Variants in CNTNAP2 observed in about 807,000 individuals in gnomAD.
CNTNAP2 encodes the protein contactin associated protein 2, also known as contactin-associated protein-like 2.
In CNTNAP2, 98 loss-of-function variants were observed where a neutral mutation model predicts 155.2. The observed-to-expected ratio is 0.63, with a 90% CI of 0.54 to 0.75. The LOEUF is 0.75. Among genes scored for constraint, CNTNAP2 ranks in the 30% least tolerant of loss-of-function variants. The pLI is 0.00. For synonymous variants in CNTNAP2, 651 were observed against 631.2 expected (o/e 1.03, Z -0.47); for missense variants, 1,727 against 1,688.1 (o/e 1.02, Z -0.40).
At chr7:146,483,014 C>T (rs1474415504) in intron 1 of CNTNAP2, among the ~76,000 whole-genome samples, 5 of 150,244 alleles carry the variant, frequency 3.3e-5, no homozygotes, top group Non-Finnish European at 5.9e-5. Flanking sequence ...CGGTGGCTCA[C>T]GCCTGTAATC....
At chr7:146,929,926 A>C (rs1796709163) in intron 3 of CNTNAP2, among the ~76,000 whole-genome samples, 1 of 152,216 alleles carries the variant, frequency 6.6e-6, no homozygotes, top group African/African-American at 2.4e-5. Context: ...CCTCCAAGAA[A>C]TATGGGACTA....
chr7:148,111,646 T>TC (rs1246268746), intron 15 of CNTNAP2, among the ~76,000 whole-genome samples: 1 of 151,980 alleles, frequency 6.6e-6, no homozygotes, highest in Non-Finnish European at 1.5e-5. Flanking sequence ...AATCATGAAG[T>TC]TCCAATTAAA....
At chr7:146,285,319 G>C (rs1055631857) in intron 1 of CNTNAP2, among the ~76,000 whole-genome samples, 1 of 151,908 alleles carries the variant, frequency 6.6e-6, no homozygotes. Flanking sequence ...ACTATCATAA[G>C]TGCATTCACA....
intron 8 of CNTNAP2, among the ~76,000 whole-genome samples, chr7:147,239,883 G>A (rs922966264): frequency 2.6e-5 from 4 of 152,100 alleles, no homozygotes; most frequent in Non-Finnish European, 4.4e-5. Flanking sequence ...GCTCCAAGTC[G>A]TAATGCATCT....
chr7:146,131,436 G>T (rs10256834), intron 1 of CNTNAP2, among the ~76,000 whole-genome samples: 46,063 of 151,952 alleles, frequency 0.3, 8,329 homozygotes, highest in African/African-American at 0.5. Flanking sequence ...TTATTAGAGA[G>T]GTATGCATTT....
chr7:146,431,730 G>A (rs58901047), intron 1 of CNTNAP2, among the ~76,000 whole-genome samples: 2,590 of 152,156 alleles, frequency 0.017, 76 homozygotes, highest in African/African-American at 0.059. Context: ...GTAAGAAAAA[G>A]TTTTGATGGT....
chr7:147,737,665 C>T (rs867744494), intron 13 of CNTNAP2, among the ~76,000 whole-genome samples: 1 of 152,198 alleles, frequency 6.6e-6, no homozygotes, highest in African/African-American at 2.4e-5. Flanking sequence ...GTGGGCTCCA[C>T]CCAGTTTGAG....
chr7:148,172,481 A>G lies in CNTNAP2; in HGVS notation c.3010+3A>G, dbSNP rs370484431. 4 of 1,613,434 alleles carry G rather than the reference A, an allele frequency of 2.5e-6. No homozygotes were observed. The African/African-American group carries it at 5.3e-5, about 22-fold the overall frequency. ...TGATGGAACATTTTGCAACAAAGGT[A>G]AGGTGGAACCCATTTCCAGAGCCAC... On this transcript the variant is annotated splice_donor_region_variant and intron_variant, in intron 18 of 23. Coordinates refer to ENST00000361727, the MANE Select transcript of CNTNAP2 (RefSeq NM_014141.6).
intron 11 of CNTNAP2, among the ~76,000 whole-genome samples, chr7:147,528,344 C>T (rs73461152): frequency 0.016 from 2,477 of 152,192 alleles, 63 homozygotes; most frequent in African/African-American, 0.057. Flanking sequence ...ATTCTCTGTG[C>T]GAAGGCCACA....
chr7:146,457,937 C>T (rs1317292181), intron 1 of CNTNAP2, among the ~76,000 whole-genome samples: 1 of 152,106 alleles, frequency 6.6e-6, no homozygotes, highest in African/African-American at 2.4e-5. Context: ...CAATGAGTTA[C>T]TGTCATACAC....
intron 23 of CNTNAP2, among the ~76,000 whole-genome samples, chr7:148,409,817 C>A (rs1224184394): frequency 1.7e-5 from 1 of 59,790 alleles, no homozygotes; most frequent in Non-Finnish European, 3.5e-5. Flanking sequence ...TTTGGGAGGC[C>A]GAGGCGGGCG....
intron 13 of CNTNAP2, among the ~76,000 whole-genome samples, chr7:147,719,024 A>G (rs188968476): frequency 4.1e-4 from 62 of 152,298 alleles, no homozygotes; most frequent in African/African-American, 1.3e-3. Context: ...GAAAATAAGG[A>G]ATAATGGGCA....
At chr7:146,638,968 C>T (rs922624413) in intron 1 of CNTNAP2, among the ~76,000 whole-genome samples, 1 of 152,066 alleles carries the variant, frequency 6.6e-6, no homozygotes, top group Non-Finnish European at 1.5e-5. Context: ...TGTACTAATG[C>T]TGTAGGCAAT....
rs577057054 is a variant in CNTNAP2, at chr7:146,974,281, A to G, written c.403-69626A>G. ...GCCAACATGGTGAAACCCCATCTCT[A>G]CTAAAAATTAGCCAGGTGTGGTGGA... On this transcript the variant is annotated intron_variant, in intron 3 of 23. Transcript: ENST00000361727. 2.0e-3 allele frequency among the ~76,000 whole-genome samples: 302 copies of G among 151,916 alleles called. 3 individuals are homozygous for G. Among genetic ancestry groups the G allele is most frequent in the African/African-American group, 6.4e-3 (267 of 41,478 alleles).
intron 21 of CNTNAP2, among the ~76,000 whole-genome samples, chr7:148,375,421 G>C (rs1370398990): frequency 6.7e-6 from 1 of 149,652 alleles, no homozygotes; most frequent in Non-Finnish European, 1.5e-5. Context: ...GCGCAATGCC[G>C]TGATCTCGGC....
chr7:146,772,522 A>T (rs903927236), intron 1 of CNTNAP2, among the ~76,000 whole-genome samples: 10 of 146,378 alleles, frequency 6.8e-5, no homozygotes, highest in African/African-American at 2.6e-4. Context: ...AAAAAAAAAT[A>T]GCTGTACTTG....
intron 4 of CNTNAP2, among the ~76,000 whole-genome samples, chr7:147,088,635 G>A (rs1327350413): frequency 6.6e-6 from 1 of 152,146 alleles, no homozygotes; most frequent in African/African-American, 2.4e-5. Context: ...GCCGTGTCAG[G>A]TCTTCTACTT....
intron 5 of CNTNAP2, among the ~76,000 whole-genome samples, chr7:147,115,089 G>T (rs1233452103): frequency 1.3e-5 from 2 of 152,182 alleles, no homozygotes. Flanking sequence ...GACTGGATGT[G>T]AAGTTCTGGG....
intron 9 of CNTNAP2, among the ~76,000 whole-genome samples, chr7:147,362,042 G>C (rs1796156163): frequency 1.3e-5 from 2 of 152,154 alleles, no homozygotes; most frequent in Non-Finnish European, 2.9e-5. Flanking sequence ...CTCACCTGTG[G>C]CCCTTCCAAC....
Sources: allele counts gnomAD v4.1 joint callset (sites outside exome capture counted in the v4.1 genomes callset), GRCh38; gene constraint gnomAD v4.1.1; transcripts MANE v1.5; gene names NCBI Gene and HGNC (gene_info 2026-07-23, HGNC 2026-07-21).